Variants in SOX5 observed in about 807,000 individuals in gnomAD.
SOX5 encodes SRY-box transcription factor 5.
A neutral mutation model predicts 92.0 loss-of-function variants in SOX5; 9 were observed. That is an observed-to-expected ratio of 0.10 (90% CI 0.06 to 0.17). SOX5 has a LOEUF of 0.17. SOX5 is among the 10% of genes least tolerant of loss of function. The pLI is 1.00. For missense variants in SOX5, 642 were observed against 944.5 expected, an observed-to-expected ratio of 0.68 and a Z score of 4.20; for synonymous variants, 344 against 336.3, an observed-to-expected ratio of 1.02 and a Z score of -0.25.
In SOX5 at chr12:23,715,074, C is replaced by T. The variant is rs552709292; in HGVS notation, c.810+19610G>A. ...CATCCTTTTGGGAGGCCGAGGCGGG[C>T]GGATCACGAGGTCAGGAGATCAAGA... is the stretch of plus-strand genomic sequence containing the variant. On this transcript the variant is annotated intron_variant, in intron 6 of 14. Transcript: ENST00000451604. Among the ~76,000 whole-genome samples the T allele has an allele frequency of 3.2e-4, 49 of 152,010 alleles. 1 individual carries two copies. The South Asian group carries it at 9.8e-3, about 30-fold the overall frequency.
intron 4 of SOX5, among the ~76,000 whole-genome samples, chr12:23,965,393 C>T (rs1227211378): frequency 2.0e-5 from 3 of 152,096 alleles, no homozygotes; most frequent in African/African-American, 4.8e-5. Context: ...CTGTCTGATC[C>T]TGCCTCCTCC....
Position 23,904,148 on chromosome 12 carries a change from T to C in SOX5, c.39-8124A>G, listed in dbSNP as rs1260699147. Among the ~76,000 whole-genome samples the C allele has an allele frequency of 3.3e-5, 5 of 152,178 alleles. No individual in the cohort carries two copies. The East Asian group carries it at 9.6e-4, about 29-fold the overall frequency. On this transcript the variant is annotated intron_variant, in intron 1 of 14. Coordinates refer to ENST00000451604, the MANE Select transcript of SOX5 (RefSeq NM_006940.6). ...TGTGAGCATTCCATGTAAATTTTTA[T>C]AACCAAGTCTGTCATATATAATATT...
intron 4 of SOX5, among the ~76,000 whole-genome samples, chr12:24,122,113 C>A (rs903813118): frequency 7.9e-5 from 12 of 152,078 alleles, no homozygotes; most frequent in Non-Finnish European, 1.8e-4. Context: ...TTCCACTCAA[C>A]GGGAGCAAAA....
chr12:23,572,789 C>G (rs946914516), intron 10 of SOX5, among the ~76,000 whole-genome samples: 3 of 152,172 alleles, frequency 2.0e-5, no homozygotes, highest in African/African-American at 7.2e-5. Flanking sequence ...ATTTAGGATG[C>G]TGAGCAGAGT....
At chr12:24,032,882 G>A (rs1955650869) in intron 4 of SOX5, among the ~76,000 whole-genome samples, 1 of 151,866 alleles carries the variant, frequency 6.6e-6, no homozygotes, top group African/African-American at 2.4e-5. Flanking sequence ...TTATTAGGAT[G>A]AAATATAGCA....
chr12:24,315,799 T>G (rs1260262452), intron 2 of SOX5, among the ~76,000 whole-genome samples: 1 of 152,258 alleles, frequency 6.6e-6, no homozygotes, highest in East Asian at 1.9e-4. Context: ...TGTAACTTTC[T>G]AGCACGTGGT....
At chr12:24,029,690 T>C (rs1206611150) in intron 4 of SOX5, among the ~76,000 whole-genome samples, 1 of 152,062 alleles carries the variant, frequency 6.6e-6, no homozygotes, top group African/African-American at 2.4e-5. Context: ...AAAATGTTGA[T>C]CATTGCCTTC....
At chr12:24,112,521 C>CTTTTTTTTTTT (rs139323766) in intron 4 of SOX5, among the ~76,000 whole-genome samples, 1 of 75,666 alleles carries the variant, frequency 1.3e-5, no homozygotes, top group Non-Finnish European at 2.5e-5. Flanking sequence ...TTCAAGGTTC[C>CTTTTTTTTTTT]TTTTTTTTTT....
chr12:23,671,543 C>A (rs1156854541), intron 6 of SOX5, among the ~76,000 whole-genome samples: 2 of 152,146 alleles, frequency 1.3e-5, no homozygotes, highest in Non-Finnish European at 2.9e-5. Flanking sequence ...ACCAGGATAA[C>A]AAAGTAACTT....
At chr12:24,506,996 T>C (rs1004878727) in intron 1 of SOX5, among the ~76,000 whole-genome samples, 2 of 151,792 alleles carry the variant, frequency 1.3e-5, no homozygotes, top group Non-Finnish European at 2.9e-5. Context: ...TTCACCTTGT[T>C]AGCCAGGATG....
At chr12:24,178,572 T>G (rs193144229) in intron 4 of SOX5, among the ~76,000 whole-genome samples, 1 of 152,356 alleles carries the variant, frequency 6.6e-6, no homozygotes, top group East Asian at 1.9e-4. Flanking sequence ...ATGTTTAAAG[T>G]TGGCAATTAC....
intron 1 of SOX5, among the ~76,000 whole-genome samples, chr12:24,492,251 G>A (rs1436446564): frequency 6.6e-6 from 1 of 152,154 alleles, no homozygotes; most frequent in Non-Finnish European, 1.5e-5. Context: ...AATAGCTGTT[G>A]ATTTTGGTAA....
intron 2 of SOX5, among the ~76,000 whole-genome samples, chr12:24,314,189 A>G (rs1273028698): frequency 6.6e-6 from 1 of 152,142 alleles, no homozygotes; most frequent in African/African-American, 2.4e-5. Flanking sequence ...AACTGCAGCC[A>G]GAGTGATCCT....
At chr12:24,091,837 T>C (rs1639505267) in intron 4 of SOX5, among the ~76,000 whole-genome samples, 1 of 152,136 alleles carries the variant, frequency 6.6e-6, no homozygotes, top group Admixed American at 6.5e-5. Context: ...TTCTCTTCCA[T>C]TTCCACAGAC....
chr12:24,346,892 G>A (rs1000198950), intron 2 of SOX5, among the ~76,000 whole-genome samples: 5 of 152,050 alleles, frequency 3.3e-5, no homozygotes, highest in Admixed American at 3.3e-4. Context: ...GTGGGGGGAT[G>A]GGGGAGGGAC....
intron 6 of SOX5, among the ~76,000 whole-genome samples, chr12:23,724,121 A>G (rs188745220): frequency 1.3e-5 from 2 of 152,324 alleles, no homozygotes; most frequent in African/African-American, 4.8e-5. Context: ...ACATTTGCCA[A>G]CCTGATAGAT....
intron 1 of SOX5, among the ~76,000 whole-genome samples, chr12:24,490,909 C>A (rs1342023827): frequency 6.6e-6 from 1 of 151,946 alleles, no homozygotes; most frequent in Non-Finnish European, 1.5e-5. Flanking sequence ...ATGATATCAC[C>A]CCCTCAGAAA....
chr12:23,588,844 G>T (rs1449161409), intron 9 of SOX5, among the ~76,000 whole-genome samples: 2 of 151,744 alleles, frequency 1.3e-5, no homozygotes, highest in African/African-American at 4.8e-5. Flanking sequence ...GGTCCCATAA[G>T]ATTATAATAC....
intron 1 of SOX5, among the ~76,000 whole-genome samples, chr12:23,903,676 A>G (rs1464646160): frequency 6.6e-6 from 1 of 152,242 alleles, no homozygotes; most frequent in Non-Finnish European, 1.5e-5. Flanking sequence ...AAAATTGGCA[A>G]TTCAAAGAGA....
Sources: allele counts gnomAD v4.1 joint callset (sites outside exome capture counted in the v4.1 genomes callset), GRCh38; gene constraint gnomAD v4.1.1; transcripts MANE v1.5; gene names NCBI Gene and HGNC (gene_info 2026-07-23, HGNC 2026-07-21).